The following MKLN1 variants were observed in gnomAD, a reference collection of about 807,000 sequenced individuals.
MKLN1 encodes the protein muskelin 1.
MKLN1 carries 18 observed loss-of-function variants against 99.0 expected under a neutral mutation model. The observed-to-expected ratio is 0.18, with a 90% CI of 0.13 to 0.27. MKLN1 has a LOEUF of 0.27. Ranked by LOEUF, MKLN1 falls within the 10% of genes least tolerant of loss-of-function variation. The probability of loss-of-function intolerance (pLI) is 1.00; values close to 1 mark genes in which losing one functional copy is unlikely to be tolerated. For missense variants in MKLN1, 621 were observed against 875.9 expected (o/e 0.71, Z 3.67); for synonymous variants, 288 against 293.2 (o/e 0.98, Z 0.18).
At chr7:131,362,274 C>T (rs1171916397) in intron 1 of MKLN1, among the ~76,000 whole-genome samples, 1 of 151,966 alleles carries the variant, frequency 6.6e-6, no homozygotes, top group Non-Finnish European at 1.5e-5. Context: ...ATAGCGTACT[C>T]CATTATATAG....
chr7:131,125,084 C>T (rs1479528897), intron 1 of MKLN1, among the ~76,000 whole-genome samples: 1 of 152,180 alleles, frequency 6.6e-6, no homozygotes, highest in Admixed American at 6.5e-5. Flanking sequence ...TCAACTACTC[C>T]TAGCATGCCT....
chr7:131,217,025 A>G (rs1428706581), intron 3 of MKLN1, among the ~76,000 whole-genome samples: 3 of 152,204 alleles, frequency 2.0e-5, no homozygotes, highest in East Asian at 3.9e-4. Flanking sequence ...AATAAGAACC[A>G]TGATAGTTGA....
chr7:131,184,023 C>A (rs1796412356), intron 2 of MKLN1, among the ~76,000 whole-genome samples: 1 of 146,424 alleles, frequency 6.8e-6, no homozygotes, highest in South Asian at 2.2e-4. Flanking sequence ...AGAAGAGTTA[C>A]TTTTTTTTTT....
chr7:131,205,849 G>T (rs1478380401), intron 3 of MKLN1, among the ~76,000 whole-genome samples: 1 of 151,500 alleles, frequency 6.6e-6, no homozygotes, highest in African/African-American at 2.4e-5. Context: ...TCTCACCTCT[G>T]GAATCTCTGT....
intron 3 of MKLN1, among the ~76,000 whole-genome samples, chr7:131,288,271 C>T (rs892564785): frequency 2.6e-5 from 4 of 152,252 alleles, no homozygotes; most frequent in Middle Eastern, 3.4e-3. Context: ...CCTGCTTTAG[C>T]GCCATGGGTT....
intron 2 of MKLN1, among the ~76,000 whole-genome samples, chr7:131,385,430 C>A (rs1563322731): frequency 5.3e-5 from 8 of 151,786 alleles, no homozygotes; most frequent in Admixed American, 5.3e-4. Flanking sequence ...CTTTTTGAGG[C>A]ACTGCCAAAT....
chr7:131,228,734 A>G (rs1396285686), intron 3 of MKLN1, among the ~76,000 whole-genome samples: 2 of 152,376 alleles, frequency 1.3e-5, no homozygotes, highest in East Asian at 1.9e-4. Flanking sequence ...ACTCTGGAAC[A>G]TAAGTCTTAT....
intron 1 of MKLN1, among the ~76,000 whole-genome samples, chr7:131,345,248 T>C (rs1353491202): frequency 6.6e-6 from 1 of 152,254 alleles, no homozygotes; most frequent in Non-Finnish European, 1.5e-5. Flanking sequence ...GGAAGTGTTT[T>C]GGATTTTGGA....
intron 3 of MKLN1, among the ~76,000 whole-genome samples, chr7:131,289,693 T>G (rs1369336194): frequency 5.3e-5 from 8 of 152,222 alleles, no homozygotes; most frequent in Admixed American, 5.2e-4. Flanking sequence ...TGTACCTCAG[T>G]TTCCTCATCT....
chr7:131,402,059 CTG>C (rs767475735), intron 6 of MKLN1, among the ~76,000 whole-genome samples: 3 of 152,166 alleles, frequency 2.0e-5, no homozygotes, highest in Non-Finnish European at 2.9e-5. Context: ...AAAGATTTAT[CTG>C]TGGTGTGCAA....
At chr7:131,328,491 C>T (rs1397990924) in intron 1 of MKLN1, among the ~76,000 whole-genome samples, 3 of 152,124 alleles carry the variant, frequency 2.0e-5, no homozygotes, top group Non-Finnish European at 2.9e-5. Flanking sequence ...AAGTGATTAG[C>T]TCTAGAGTAG....
chr7:131,462,572 T>G (rs1332320647), intron 12 of MKLN1, among the ~76,000 whole-genome samples: 1 of 152,192 alleles, frequency 6.6e-6, no homozygotes, highest in Non-Finnish European at 1.5e-5. Flanking sequence ...TCTTTCTGCT[T>G]CTTTTTTCCC....
At chr7:131,178,960 T>C (rs146773044) in intron 2 of MKLN1, among the ~76,000 whole-genome samples, 4 of 152,344 alleles carry the variant, frequency 2.6e-5, no homozygotes, top group South Asian at 2.1e-4. Flanking sequence ...TCATTATTGT[T>C]TCCTTTCCTC....
rs200845698 is a variant in MKLN1 at position 131,487,776 on chromosome 7, G to A, written c.*48G>A. 1,021 of 1,596,506 alleles carry A rather than the reference G, an allele frequency of 6.4e-4. No homozygotes were observed. The highest frequency in any genetic ancestry group is 7.7e-4 in the Non-Finnish European group (904 of 1,172,046). ...AATGGAAAACAGGAGTCGATTTTCC[G>A]TCTTTTGGATTGCAGCTCCACTGAC... On this transcript the variant is annotated 3_prime_UTR_variant, in exon 18 of 18. Transcript: ENST00000352689. This position sits in a 1 kb window ranked among gnomAD's most constrained non-coding sequence, Gnocchi z 4.7.
At chr7:131,354,327 A>G (rs1799809713) in intron 1 of MKLN1, among the ~76,000 whole-genome samples, 1 of 152,146 alleles carries the variant, frequency 6.6e-6, no homozygotes, top group Non-Finnish European at 1.5e-5. Flanking sequence ...TTTTCAGGAT[A>G]CAGAGCATCC....
At chr7:131,457,548 A>G (rs972873653) in intron 12 of MKLN1, among the ~76,000 whole-genome samples, 1 of 152,208 alleles carries the variant, frequency 6.6e-6, no homozygotes, top group African/African-American at 2.4e-5. Flanking sequence ...AAAATAGAGT[A>G]GAGAAACTAA....
At chr7:131,134,476 T>C (rs1563226885) in intron 1 of MKLN1, among the ~76,000 whole-genome samples, 1 of 152,144 alleles carries the variant, frequency 6.6e-6, no homozygotes, top group East Asian at 1.9e-4. Context: ...AGTCCAGACC[T>C]CTCTCCTGAT....
intron 7 of MKLN1, among the ~76,000 whole-genome samples, chr7:131,411,937 A>T (rs1358780865): frequency 7.4e-6 from 1 of 135,644 alleles, no homozygotes; most frequent in East Asian, 2.2e-4. Context: ...AAAAAAAAAA[A>T]TTAGCCAGAC....
rs1015136353 is a variant in MKLN1 at position 131,190,110 on chromosome 7, T to TC, written c.-296-12742dup. 6.2e-4 allele frequency among the ~76,000 whole-genome samples: 95 copies of TC among 152,106 alleles called. 1 individual carries two copies. Among genetic ancestry groups the TC allele is most frequent in the African/African-American group, 2.2e-3 (93 of 41,504 alleles). On this transcript the variant is annotated intron_variant, in intron 2 of 7. Transcript: ENST00000416992. ...TGTTGGTTCCCTCCATCTCTCTGGA[T>TC]CCCCCACCCCCTTAAGGATTTCTTA...
Sources: gnomAD v4.1 joint callset for allele counts (sites outside exome capture counted in the v4.1 genomes callset) on GRCh38, gnomAD v4.1.1 for gene constraint, Gnocchi (gnomAD v3.1) non-coding constraint, MANE v1.5 for transcripts, NCBI Gene and HGNC (gene_info 2026-07-23, HGNC 2026-07-21) for gene names.